The following ZMIZ1 variants were observed in gnomAD, a reference collection of about 807,000 sequenced individuals.
The protein encoded by ZMIZ1 is zinc finger MIZ domain-containing protein 1.
ZMIZ1 carries 17 observed loss-of-function variants against 113.9 expected under a neutral mutation model. That is an observed-to-expected ratio of 0.15 (90% CI 0.10 to 0.22). The LOEUF (loss-of-function observed/expected upper bound fraction) is 0.22, where lower values mean the gene tolerates loss of function less well. ZMIZ1 is among the 10% of genes least tolerant of loss of function. The probability of loss-of-function intolerance (pLI) is 1.00; values close to 1 mark genes in which losing one functional copy is unlikely to be tolerated. For missense variants in ZMIZ1, 1,059 were observed against 1,477.8 expected (o/e 0.72, Z 4.65); for synonymous variants, 607 against 603.1 (o/e 1.01, Z -0.09).
intron 1 of ZMIZ1, among the ~76,000 whole-genome samples, chr10:79,113,441 G>T (rs866621326): frequency 1.3e-5 from 2 of 152,136 alleles, no homozygotes; most frequent in Non-Finnish European, 2.9e-5. Flanking sequence ...CCTCCTGCCC[G>T]TCCACACCTG....
intron 4 of ZMIZ1, among the ~76,000 whole-genome samples, chr10:79,164,901 G>T (rs1027559638): frequency 6.6e-6 from 1 of 152,148 alleles, no homozygotes; most frequent in Non-Finnish European, 1.5e-5. Context: ...TCCCTCCAGA[G>T]CCCCTTCCCA....
At chr10:79,148,773 A>G (rs1845595602) in intron 3 of ZMIZ1, among the ~76,000 whole-genome samples, 1 of 152,168 alleles carries the variant, frequency 6.6e-6, no homozygotes, top group Non-Finnish European at 1.5e-5. Context: ...CTCCTGGGAC[A>G]TGGGGTCCTG....
At chr10:79,259,048 G>T (rs1350801736) in intron 7 of ZMIZ1, among the ~76,000 whole-genome samples, 1 of 152,168 alleles carries the variant, frequency 6.6e-6, no homozygotes, top group African/African-American at 2.4e-5. Context: ...GCCCAGCCAT[G>T]CCTCGCCCCA....
chr10:79,187,272 C>G (rs1847388335), intron 4 of ZMIZ1, among the ~76,000 whole-genome samples: 1 of 152,238 alleles, frequency 6.6e-6, no homozygotes, highest in African/African-American at 2.4e-5. Flanking sequence ...CTGGGCCAAG[C>G]AGAAATTCCC....
intron 3 of ZMIZ1, among the ~76,000 whole-genome samples, chr10:79,147,584 C>A (rs1024311433): frequency 2.6e-5 from 4 of 152,184 alleles, no homozygotes; most frequent in Non-Finnish European, 5.9e-5. Context: ...CTGGAAACTT[C>A]GTCAAACCCT....
rs1771949642 is a variant in ZMIZ1, at chr10:79,069,022, C to G, written c.-585C>G. On this transcript the variant is annotated 5_prime_UTR_variant, in exon 1 of 25. Coordinates refer to ENST00000334512, the MANE Select transcript of ZMIZ1 (RefSeq NM_020338.4). The surrounding 1 kb of genome is among the most constrained non-coding windows in gnomAD (Gnocchi z 4.6). ...TCACTGTCTGTGGACATTAAAAAAG[C>G]GAGCGGCGGCGGCGGGCGCCGGGGA... The G allele has an allele frequency of 6.6e-6, 1 of 151,610 alleles. No homozygotes were observed. Among genetic ancestry groups the G allele is most frequent in the African/African-American group, 2.4e-5 (1 of 41,160 alleles). 9.4% of individuals were successfully genotyped at this position (151,610 alleles called of 1,614,324 possible). A position where few individuals can be genotyped will look rare whatever the true frequency, so the allele number is the denominator to read the frequency against.
intron 7 of ZMIZ1, among the ~76,000 whole-genome samples, chr10:79,271,658 A>G (rs985965387): frequency 6.6e-5 from 10 of 152,230 alleles, no homozygotes; most frequent in Admixed American, 3.9e-4. Context: ...CCCCATATCC[A>G]GTGAAGCAGG....
At chr10:79,299,747 G>C (rs1854165126) in intron 16 of ZMIZ1, among the ~76,000 whole-genome samples, 1 of 152,236 alleles carries the variant, frequency 6.6e-6, no homozygotes, top group African/African-American at 2.4e-5. Flanking sequence ...CTTGGAAATG[G>C]GCAACACTTT....
chr10:79,115,405 A>C (rs967311931), intron 1 of ZMIZ1, among the ~76,000 whole-genome samples: 15 of 152,128 alleles, frequency 9.9e-5, no homozygotes, highest in Non-Finnish European at 1.0e-4. Context: ...TCTCTTAGCA[A>C]AGGGTCCTGG....
intron 7 of ZMIZ1, among the ~76,000 whole-genome samples, chr10:79,241,869 G>T (rs1419190452): frequency 1.3e-5 from 2 of 152,172 alleles, no homozygotes; most frequent in East Asian, 3.9e-4. Context: ...TCAGCTCCCG[G>T]TGTTGGCCAG....
chr10:79,238,790 T>C (rs762767112), intron 7 of ZMIZ1, among the ~76,000 whole-genome samples: 1 of 152,252 alleles, frequency 6.6e-6, no homozygotes, highest in Non-Finnish European at 1.5e-5. Flanking sequence ...TTAGTTTCTG[T>C]ACAGTGGAAA....
At chr10:79,153,064 G>A (rs897391648) in intron 3 of ZMIZ1, among the ~76,000 whole-genome samples, 4 of 152,204 alleles carry the variant, frequency 2.6e-5, no homozygotes, top group African/African-American at 4.8e-5. Context: ...TGGACTGAGG[G>A]AACCCCTCTT....
At chr10:79,256,440 C>T (rs188502301) in intron 7 of ZMIZ1, among the ~76,000 whole-genome samples, 42 of 152,346 alleles carry the variant, frequency 2.8e-4, no homozygotes, top group African/African-American at 9.4e-4. Context: ...CCCCCTCCCT[C>T]CTGCAGCTGC....
At chr10:79,110,071 T>G (rs6480920) in intron 1 of ZMIZ1, among the ~76,000 whole-genome samples, 77,869 of 152,142 alleles carry the variant, frequency 0.51, 20,451 homozygotes, top group African/African-American at 0.64. Flanking sequence ...GTGGCATGCA[T>G]GGCCTGGGCC....
intron 4 of ZMIZ1, among the ~76,000 whole-genome samples, chr10:79,174,102 C>T (rs1038424143): frequency 5.3e-5 from 8 of 152,194 alleles, no homozygotes; most frequent in Admixed American, 6.5e-5. Flanking sequence ...TGAGGTGCAT[C>T]GTGGGTGCAT....
At chr10:79,300,023 C>A (rs1313459696) in intron 16 of ZMIZ1, among the ~76,000 whole-genome samples, 1 of 151,888 alleles carries the variant, frequency 6.6e-6, no homozygotes, top group Non-Finnish European at 1.5e-5. Flanking sequence ...CACACCCCTG[C>A]TGTTTTCTTG....
At chr10:79,188,104 C>T (rs890495985) in intron 4 of ZMIZ1, among the ~76,000 whole-genome samples, 2 of 152,206 alleles carry the variant, frequency 1.3e-5, no homozygotes, top group African/African-American at 2.4e-5. Context: ...TGCTGCCTGA[C>T]GTAGTACATA....
At chr10:79,273,601 G>A (rs1215978670) in intron 7 of ZMIZ1, among the ~76,000 whole-genome samples, 1 of 152,134 alleles carries the variant, frequency 6.6e-6, no homozygotes, top group South Asian at 2.1e-4. Flanking sequence ...CAAGTGATCT[G>A]CCCGCCTCAG....
At position 79,243,418 on chromosome 10, in the gene ZMIZ1, C is replaced by T. The variant is rs1445558325; in HGVS notation, c.280+27144C>T. Among the ~76,000 whole-genome samples the T allele has an allele frequency of 2.7e-5, 4 of 149,480 alleles. No individual in the cohort carries two copies. The East Asian group carries it at 5.8e-4, about 22-fold the overall frequency. On this transcript the variant is annotated intron_variant, in intron 7 of 24. Transcript: ENST00000334512. Reference sequence around the variant, plus strand: ...TTGGCTTCGCCCGGGAAGCTGGAGACGGGCGATGAATAATTGATGTGTGCG... The same window carrying T: ...TTGGCTTCGCCCGGGAAGCTGGAGATGGGCGATGAATAATTGATGTGTGCG...
Sources: gnomAD v4.1 joint callset for allele counts (sites outside exome capture counted in the v4.1 genomes callset) on GRCh38, gnomAD v4.1.1 for gene constraint, Gnocchi (gnomAD v3.1) non-coding constraint, MANE v1.5 for transcripts, NCBI Gene and HGNC (gene_info 2026-07-23, HGNC 2026-07-21) for gene names.